CDON: variants seen among roughly 807,000 people sequenced by gnomAD.
CDON encodes cell adhesion associated, oncogene regulated.
CDON carries 73 observed loss-of-function variants against 120.9 expected under a neutral mutation model. The ratio of observed to expected loss-of-function variants is 0.60; its 90% CI spans 0.50 to 0.73. CDON has a LOEUF of 0.73. Ranked by LOEUF, CDON falls within the 30% of genes least tolerant of loss-of-function variation. The pLI is 0.00. For missense variants in CDON, 1,470 were observed against 1,587.3 expected (o/e 0.93, Z 1.26); for synonymous variants, 566 against 573.5 (o/e 0.99, Z 0.19).
chr11:126,018,086 G>C (rs1447001940), intron 5 of CDON, among the ~76,000 whole-genome samples: 1 of 152,070 alleles, frequency 6.6e-6, no homozygotes, highest in African/African-American at 2.4e-5. Context: ...TTTTATTAGA[G>C]ACAGGGTTTC....
intron 18 of CDON, among the ~76,000 whole-genome samples, chr11:125,968,679 G>A (rs545211495): frequency 2.6e-5 from 4 of 152,358 alleles, no homozygotes; most frequent in African/African-American, 9.6e-5. Flanking sequence ...AGTCACTAGA[G>A]TGGTGTTGAC....
intron 8 of CDON, among the ~76,000 whole-genome samples, chr11:126,008,216 GC>G (rs1220758147): frequency 6.6e-6 from 1 of 152,080 alleles, no homozygotes; most frequent in African/African-American, 2.4e-5. Flanking sequence ...AAAACAAAAG[GC>G]TGGGGAGAGA....
intron 15 of CDON, among the ~76,000 whole-genome samples, chr11:125,985,734 A>T (rs1946441585): frequency 6.6e-6 from 1 of 152,226 alleles, no homozygotes. Flanking sequence ...ATCTCTGGTC[A>T]TCAAAGAAAT....
At chr11:126,053,702 T>A (rs1219906961) in intron 1 of CDON, among the ~76,000 whole-genome samples, 1 of 149,764 alleles carries the variant, frequency 6.7e-6, no homozygotes, top group African/African-American at 2.6e-5. Context: ...TCGAGCCACA[T>A]GGTGAGGTTT....
At chr11:126,017,044 G>C (rs1443621427) in intron 6 of CDON, 44 bp downstream of exon 6, 33 of 1,556,540 alleles carry the variant, frequency 2.1e-5, no homozygotes, top group Non-Finnish European at 2.6e-5. Context: ...AGTTAGACCA[G>C]AAAAATGGCT....
chr11:126,053,390 CCGAAAT>C (rs1948613492), intron 1 of CDON, among the ~76,000 whole-genome samples: 1 of 152,292 alleles, frequency 6.6e-6, no homozygotes, highest in African/African-American at 2.4e-5. Flanking sequence ...GGACACCAAA[CCGAAAT>C]CCTGATAATG....
At chr11:125,967,341 A>G (rs1945833345) in intron 18 of CDON, among the ~76,000 whole-genome samples, 2 of 152,258 alleles carry the variant, frequency 1.3e-5, no homozygotes, top group South Asian at 4.1e-4. Context: ...TGTTTTTTAA[A>G]AATGATAAAC....
chr11:125,994,988 T>C lies in CDON; in HGVS notation c.2427A>G (p.Ala809=), dbSNP rs1196384564. The C allele has an allele frequency of 1.9e-6, 3 of 1,614,184 alleles. No individual in the cohort carries two copies. The highest frequency in any genetic ancestry group is 2.7e-5 in the African/African-American group (2 of 75,052). Residue 809 remains alanine, a synonymous_variant, in exon 13 of 20, where the codon GCA becomes GCG. Transcript: ENST00000531738. The part of the protein sequence containing the change: ...NHYGESFRSS[A]SRPYQVVGFP... Reference sequence around the variant, plus strand: ...ACCCAACCACTTGATAAGGACGAGATGCTGAACTCCGAAAACTCTCACCAT... The same window carrying C: ...ACCCAACCACTTGATAAGGACGAGACGCTGAACTCCGAAAACTCTCACCAT...
chr11:126,044,166 ACACACATACTG>A (rs1459976481), intron 1 of CDON, among the ~76,000 whole-genome samples: 1 of 152,234 alleles, frequency 6.6e-6, no homozygotes, highest in Non-Finnish European at 1.5e-5. Flanking sequence ...CAAAGCAGGA[ACACACATACTG>A]CACAGATCCC....
chr11:126,016,631 C>G (rs1302502084), intron 6 of CDON, among the ~76,000 whole-genome samples: 1 of 152,048 alleles, frequency 6.6e-6, no homozygotes, highest in African/African-American at 2.4e-5. Context: ...TGGGGTTTCG[C>G]CATATTGCCC....
chr11:126,056,423 T>G (rs1948681596), intron 1 of CDON, among the ~76,000 whole-genome samples: 1 of 152,228 alleles, frequency 6.6e-6, no homozygotes, highest in Admixed American at 6.5e-5. Flanking sequence ...TATGGCTGTA[T>G]GTGAAGAATG....
intron 1 of CDON, among the ~76,000 whole-genome samples, chr11:126,060,556 G>A (rs1214499736): frequency 6.7e-6 from 1 of 148,870 alleles, no homozygotes; most frequent in Non-Finnish European, 1.5e-5. Flanking sequence ...AACGTTCGTG[G>A]AAAAAAAAAA....
chr11:125,960,993 G>A lies in CDON; in HGVS notation c.3744C>T (p.Gly1248=), dbSNP rs1307050931. 4.3e-6 allele frequency: 7 copies of A among 1,614,190 alleles called. No homozygotes were observed. The highest frequency in any genetic ancestry group is 5.9e-6 in the Non-Finnish European group (7 of 1,179,996). ...CAEKTMWSPP[G]IPLDSPTEVL... ...CCTCTGTCGGGCTGTCTAAAGGAATGCCAGGTGGAGACCACATTGTCTTCT... is the reference window on the plus strand; with the variant it reads ...CCTCTGTCGGGCTGTCTAAAGGAATACCAGGTGGAGACCACATTGTCTTCT... Residue 1248 remains glycine (G), a synonymous_variant, in exon 20 of 20, where the codon GGC becomes GGT. Transcript: ENST00000531738.
chr11:126,052,348 C>T lies in CDON; in HGVS notation c.-62+10231G>A, dbSNP rs562440151. Among the ~76,000 whole-genome samples, 42 of 152,144 alleles carry T rather than the reference C, an allele frequency of 2.8e-4. 1 individual carries two copies. The highest frequency in any genetic ancestry group is 1.5e-3 in the East Asian group (8 of 5,176). On this transcript the variant is annotated intron_variant, in intron 1 of 19. Coordinates refer to ENST00000531738, the MANE Select transcript of CDON (RefSeq NM_001378964.1). ...TCATACTATGAAAAAGAAAGTATGC[C>T]TAATTTTCAATAAACAGAAATCAAA...
chr11:125,999,507 G>C lies in CDON; in HGVS notation c.2159-2097C>G, dbSNP rs636865. Among the ~76,000 whole-genome samples the C allele has an allele frequency of 3.8e-3, 582 of 152,072 alleles. 6 individuals are homozygous for C. Among genetic ancestry groups the C allele is most frequent in the African/African-American group, 9.6e-3 (396 of 41,448 alleles). ...AGATGTGGAAATCTGTTCCTCATTA[G>C]GTTGTTTTGAATATTAAATAAATCT... On this transcript the variant is annotated intron_variant, in intron 11 of 19. Coordinates refer to ENST00000531738, the MANE Select transcript of CDON (RefSeq NM_001378964.1).
At chr11:125,992,380 T>C (rs999376549) in intron 14 of CDON, among the ~76,000 whole-genome samples, 15 of 152,338 alleles carry the variant, frequency 9.8e-5, no homozygotes, top group East Asian at 3.9e-4. Context: ...GCATAAAGTA[T>C]GCATACAGAA....
At chr11:126,028,823 G>C (rs1394467925) in intron 1 of CDON, among the ~76,000 whole-genome samples, 2 of 150,374 alleles carry the variant, frequency 1.3e-5, no homozygotes, top group African/African-American at 5.0e-5. Context: ...GTATATGTAT[G>C]TGTGTGTGTG....
At chr11:126,006,134 G>T in intron 8 of CDON, 77 bp from the exon 9 acceptor site, 1 of 1,311,396 alleles carries the variant, frequency 7.6e-7, no homozygotes, top group Non-Finnish European at 1.1e-6. Context: ...TGACGTGACT[G>T]CCCTCACTTG....
chr11:125,974,371 A>AG, intron 18 of CDON, among the ~76,000 whole-genome samples: 1 of 28,008 alleles, frequency 3.6e-5, no homozygotes, highest in South Asian at 1.9e-3. Flanking sequence ...GTAGGTAGGA[A>AG]GGAAGGAAGG....
Sources: gnomAD v4.1 joint callset for allele counts (sites outside exome capture counted in the v4.1 genomes callset) on GRCh38, gnomAD v4.1.1 for gene constraint, MANE v1.5 for transcripts, NCBI Gene and HGNC (gene_info 2026-07-23, HGNC 2026-07-21) for gene names.